SORCS3: variants seen among roughly 807,000 people sequenced by gnomAD.
The protein encoded by SORCS3 is VPS10 domain-containing receptor SorCS3.
In SORCS3, 57 loss-of-function variants were observed where a neutral mutation model predicts 146.3. That is an observed-to-expected ratio of 0.39 (90% CI 0.31 to 0.49). SORCS3 has a LOEUF of 0.49. Among genes scored for constraint, SORCS3 ranks in the 20% least tolerant of loss-of-function variants. The pLI is 0.92. For synonymous variants in SORCS3, 653 were observed against 618.5 expected (o/e 1.06, Z -0.83); for missense variants, 1,341 against 1,575.5 (o/e 0.85, Z 2.52).
chr10:105,239,609 C>A (rs929734288), intron 20 of SORCS3, among the ~76,000 whole-genome samples: 1 of 152,086 alleles, frequency 6.6e-6, no homozygotes. Flanking sequence ...CTAGGCAGGG[C>A]ATGAGGTATT....
At chr10:105,033,719 A>T (rs981817927) in intron 4 of SORCS3, among the ~76,000 whole-genome samples, 1 of 152,164 alleles carries the variant, frequency 6.6e-6, no homozygotes, top group African/African-American at 2.4e-5. Flanking sequence ...AAAAAGAGAG[A>T]TGGTGTTTAT....
At chr10:105,162,092 C>G (rs1045365469) in intron 11 of SORCS3, among the ~76,000 whole-genome samples, 2 of 152,230 alleles carry the variant, frequency 1.3e-5, no homozygotes, top group African/African-American at 4.8e-5. Flanking sequence ...GCAACTCCCT[C>G]TGGCATGAGT....
intron 4 of SORCS3, among the ~76,000 whole-genome samples, chr10:105,035,631 C>G (rs1411666525): frequency 1.3e-5 from 2 of 151,896 alleles, no homozygotes; most frequent in East Asian, 3.9e-4. Context: ...CCAGGCCTGG[C>G]TAATTTTTGT....
At chr10:104,719,511 G>T (rs2016518690) in intron 1 of SORCS3, among the ~76,000 whole-genome samples, 1 of 152,176 alleles carries the variant, frequency 6.6e-6, no homozygotes, top group Admixed American at 6.5e-5. Context: ...AGAATGGATG[G>T]TGGATGCCCA....
chr10:104,717,839 A>G (rs1208146677), intron 1 of SORCS3, among the ~76,000 whole-genome samples: 1 of 152,118 alleles, frequency 6.6e-6, no homozygotes, highest in African/African-American at 2.4e-5. Context: ...TTTATAAATA[A>G]GCAAAAAAAA....
chr10:104,700,807 G>C (rs1165635834), intron 1 of SORCS3, among the ~76,000 whole-genome samples: 1 of 152,156 alleles, frequency 6.6e-6, no homozygotes, highest in Non-Finnish European at 1.5e-5. Context: ...CTCAGCCTTA[G>C]CCTGGAGTAC....
Position 105,265,092 on chromosome 10 carries a change from G to A in SORCS3, c.*1718G>A, listed in dbSNP as rs2056983911. 6.6e-6 allele frequency: 1 copy of A among 152,382 alleles called. No homozygotes were observed. Among genetic ancestry groups the A allele is most frequent in the Non-Finnish European group, 1.5e-5 (1 of 67,998 alleles). 9.4% of individuals were successfully genotyped at this position (152,382 alleles called of 1,614,324 possible). ...ATTGCAATACTTGTACTAAACACTG[G>A]AATACAAATGCATGACTCATATCTA... is the stretch of plus-strand genomic sequence containing the variant. On this transcript the variant is annotated 3_prime_UTR_variant, in exon 27 of 27. Coordinates refer to ENST00000369701, the MANE Select transcript of SORCS3 (RefSeq NM_014978.3).
At chr10:104,786,155 G>A (rs189393798) in intron 1 of SORCS3, among the ~76,000 whole-genome samples, 89 of 151,874 alleles carry the variant, frequency 5.9e-4, no homozygotes, top group African/African-American at 2.1e-3. Context: ...CATTTATTTA[G>A]CGCTTATTTA....
At chr10:105,128,186 T>C (rs758986223) in intron 7 of SORCS3, among the ~76,000 whole-genome samples, 6 of 152,136 alleles carry the variant, frequency 3.9e-5, no homozygotes, top group Non-Finnish European at 7.4e-5. Flanking sequence ...ACAATGTTGC[T>C]TGTGCTGGCA....
At chr10:104,770,325 C>T (rs1344469883) in intron 1 of SORCS3, among the ~76,000 whole-genome samples, 1 of 152,074 alleles carries the variant, frequency 6.6e-6, no homozygotes, top group East Asian at 1.9e-4. Flanking sequence ...CTCAGTGTTT[C>T]CAGAATTGAG....
chr10:105,227,321 A>T (rs910555159), intron 20 of SORCS3, among the ~76,000 whole-genome samples: 1 of 152,086 alleles, frequency 6.6e-6, no homozygotes, highest in Non-Finnish European at 1.5e-5. Context: ...ATTCAGAAGC[A>T]TATCATTTAA....
At chr10:104,895,830 C>T (rs913707650) in intron 2 of SORCS3, among the ~76,000 whole-genome samples, 1 of 152,206 alleles carries the variant, frequency 6.6e-6, no homozygotes, top group African/African-American at 2.4e-5. Context: ...GCAATTTCCT[C>T]TCACTTTGTT....
intron 3 of SORCS3, among the ~76,000 whole-genome samples, chr10:104,917,607 T>G (rs1455672097): frequency 6.6e-6 from 1 of 152,232 alleles, no homozygotes; most frequent in African/African-American, 2.4e-5. Flanking sequence ...ATAACTGTAA[T>G]TATGTATTTT....
At chr10:105,126,132 A>T (rs2055972061) in intron 7 of SORCS3, among the ~76,000 whole-genome samples, 1 of 152,202 alleles carries the variant, frequency 6.6e-6, no homozygotes, top group Non-Finnish European at 1.5e-5. Flanking sequence ...CCAATAAATA[A>T]AATTATACTA....
At chr10:104,945,716 G>C (rs1257493281) in intron 3 of SORCS3, among the ~76,000 whole-genome samples, 1 of 151,960 alleles carries the variant, frequency 6.6e-6, no homozygotes, top group Non-Finnish European at 1.5e-5. Flanking sequence ...TTATGTTAAG[G>C]AGGAGGCACC....
intron 1 of SORCS3, among the ~76,000 whole-genome samples, chr10:104,763,838 C>T (rs2017150166): frequency 6.6e-6 from 1 of 152,058 alleles, no homozygotes; most frequent in African/African-American, 2.4e-5. Context: ...TAAGTGAGCT[C>T]TCATGAAATC....
chr10:105,151,686 A>T (rs1023087635), intron 9 of SORCS3, among the ~76,000 whole-genome samples: 1 of 151,996 alleles, frequency 6.6e-6, no homozygotes, highest in South Asian at 2.1e-4. Flanking sequence ...GCACTGAAAA[A>T]TCCTTGGACC....
At chr10:104,715,960 C>T (rs961884377) in intron 1 of SORCS3, among the ~76,000 whole-genome samples, 7 of 152,304 alleles carry the variant, frequency 4.6e-5, no homozygotes, top group African/African-American at 1.4e-4. Context: ...TATCTTCTCC[C>T]GTGCTGCTCT....
intron 1 of SORCS3, among the ~76,000 whole-genome samples, chr10:104,666,679 C>T (rs1211709851): frequency 6.6e-6 from 1 of 152,156 alleles, no homozygotes; most frequent in Non-Finnish European, 1.5e-5. Context: ...GATCATAGCT[C>T]ACTGTAACCT....
Sources: gnomAD v4.1 joint callset for allele counts (sites outside exome capture counted in the v4.1 genomes callset) on GRCh38, gnomAD v4.1.1 for gene constraint, MANE v1.5 for transcripts, NCBI Gene and HGNC (gene_info 2026-07-23, HGNC 2026-07-21) for gene names.